The following GNAI2 variants were observed in gnomAD, a reference collection of about 807,000 sequenced individuals.
GNAI2 encodes the protein G protein subunit alpha i2.
Under a neutral mutation model 36.8 loss-of-function variants are expected in GNAI2, and 4 were observed. That is an observed-to-expected ratio of 0.11 (90% CI 0.05 to 0.25). The LOEUF is 0.25. Among genes scored for constraint, GNAI2 ranks in the 10% least tolerant of loss-of-function variants. The probability of loss-of-function intolerance (pLI) is 1.00; values close to 1 mark genes in which losing one functional copy is unlikely to be tolerated. For missense variants in GNAI2, 230 were observed against 481.3 expected (o/e 0.48, Z 4.89); for synonymous variants, 194 against 194.1 (o/e 1.00, Z 0.01).
chr3:50,234,109 C>T (rs782095372), upstream of GNAI2, among the ~76,000 whole-genome samples: 1 of 148,446 alleles, frequency 6.7e-6, no homozygotes, highest in Non-Finnish European at 1.5e-5. Context: ...CTCTGTCACC[C>T]AGGGTGGAGT....
At chr3:50,256,896 G>A in intron 6 of GNAI2, 41 bp from the exon 7 acceptor site, 1 of 1,613,758 alleles carries the variant, frequency 6.2e-7, no homozygotes, top group Non-Finnish European at 8.5e-7. Flanking sequence ...AGCGGGCTTG[G>A]GGAGTGGTGG....
rs200348744 is a variant in GNAI2, at chr3:50,240,701, G to A, written c.118+4248G>A. Among the ~76,000 whole-genome samples, 21 of 152,240 alleles carry A rather than the reference G, an allele frequency of 1.4e-4. No individual in the cohort carries two copies. In the East Asian group the frequency reaches 3.9e-3, roughly 28 times the overall value. ...GGAGGTTGAGGCAGGCAGATCACCT[G>A]AGGTCAGGAGTTCAAGACCAGCCTG... is the stretch of plus-strand genomic sequence containing the variant. On this transcript the variant is annotated intron_variant, in intron 1 of 8. Coordinates refer to ENST00000313601, the MANE Select transcript of GNAI2 (RefSeq NM_002070.4).
intron 5 of GNAI2, 106 bp from the exon 6 acceptor site, chr3:50,256,617 G>T (rs1029041045): frequency 6.1e-5 from 74 of 1,220,996 alleles, no homozygotes; most frequent in Non-Finnish European, 8.3e-5. Flanking sequence ...GAAGGTAGCT[G>T]CCCTACTCTG....
rs183526999 is a variant in GNAI2, at chr3:50,253,519, C to G, written c.464+335C>G. On this transcript the variant is annotated intron_variant, in intron 4 of 8. Coordinates refer to ENST00000313601, the MANE Select transcript of GNAI2 (RefSeq NM_002070.4). The surrounding 1 kb of genome is among the most constrained non-coding windows in gnomAD (Gnocchi z 4.2). ...CAGCACTTTGGGAGGCTGAGACAGG[C>G]GGGTCGTGAGATCAGGAGATCGAGA... Among the ~76,000 whole-genome samples, 36 of 152,050 alleles carry G rather than the reference C, an allele frequency of 2.4e-4. No individual in the cohort carries two copies. In the East Asian group the frequency reaches 5.0e-3, roughly 21 times the overall value.
At chr3:50,244,745 A>G (rs1454678013) in intron 1 of GNAI2, among the ~76,000 whole-genome samples, 2 of 152,066 alleles carry the variant, frequency 1.3e-5, no homozygotes, top group African/African-American at 2.4e-5. Flanking sequence ...CCTCTCTTGT[A>G]GGGGTTCCTA....
chr3:50,245,463 G>A (rs1215098069), intron 1 of GNAI2, among the ~76,000 whole-genome samples: 11 of 152,214 alleles, frequency 7.2e-5, no homozygotes, highest in African/African-American at 2.7e-4. Flanking sequence ...TGAGGCCTAG[G>A]CTCCCGTTAT....
upstream of GNAI2, among the ~76,000 whole-genome samples, chr3:50,234,667 G>A (rs1005047488): frequency 2.0e-5 from 3 of 152,154 alleles, no homozygotes; most frequent in African/African-American, 4.8e-5. Context: ...TGTGTACCAA[G>A]GTTCTAAGGA....
rs1553703248 is a variant in GNAI2 at position 50,256,781 on chromosome 3, G to T, written c.652G>T (p.Gly218Cys). 2 of 1,614,128 alleles carry T rather than the reference G, an allele frequency of 1.2e-6. No individual in the cohort carries two copies. The highest frequency in any genetic ancestry group is 3.3e-5 in the Admixed American group (2 of 60,022). ...GAAGAAGTGGATCCACTGCTTTGAG[G>T]GCGTCACAGCCATCATCTTCTGCGT... is the stretch of plus-strand genomic sequence containing the variant. ...ERKKWIHCFE[G>C]VTAIIFCVAL... The change falls in exon 6 of 9, where the codon GGC (glycine) becomes TGC (cysteine). Residue 218 changes from glycine to cysteine, a missense_variant. Physicochemically the swap from Gly to Cys is radical, Grantham distance 159 (BLOSUM62 -3). Coordinates refer to ENST00000313601, the MANE Select transcript of GNAI2 (RefSeq NM_002070.4).
upstream of GNAI2, chr3:50,227,250 G>A (rs587720862): frequency 2.1e-5 from 22 of 1,050,470 alleles, no homozygotes; most frequent in East Asian, 6.3e-4. This position sits in a 1 kb window ranked among gnomAD's most constrained non-coding sequence, Gnocchi z 5.9. Flanking sequence ...CCCCGCGCGG[G>A]GCAAGGGGGA....
At chr3:50,257,136 C>T (rs758219885) in intron 7 of GNAI2, 46 bp downstream of exon 7, 5 of 1,561,970 alleles carry the variant, frequency 3.2e-6, no homozygotes, top group Non-Finnish European at 4.4e-6. Context: ...TGCTTCTTGT[C>T]CCAAGTAGCC....
At position 50,238,736 on chromosome 3, in the gene GNAI2, A is replaced by G. The variant is rs1553700669; in HGVS notation, c.118+2283A>G. Among the ~76,000 whole-genome samples, 2 of 152,152 alleles carry G rather than the reference A, an allele frequency of 1.3e-5. No homozygotes were observed. Among genetic ancestry groups the G allele is most frequent in the Non-Finnish European group, 2.9e-5 (2 of 68,018 alleles). Reference sequence around the variant, plus strand: ...GTCTGCCATGGCTGCCTGGGGAGGGATCCTGGCTTGAGCCATGCCTTTCCC... The same window carrying G: ...GTCTGCCATGGCTGCCTGGGGAGGGGTCCTGGCTTGAGCCATGCCTTTCCC... On this transcript the variant is annotated intron_variant, in intron 1 of 8. Coordinates refer to ENST00000313601, the MANE Select transcript of GNAI2 (RefSeq NM_002070.4). This position sits in a 1 kb window ranked among gnomAD's most constrained non-coding sequence, Gnocchi z 5.0.
chr3:50,232,224 G>A (rs1553699850), upstream of GNAI2, among the ~76,000 whole-genome samples: 3 of 152,092 alleles, frequency 2.0e-5, no homozygotes, highest in African/African-American at 7.2e-5. Flanking sequence ...CAGCTACTTG[G>A]GGAGCTGAGG....
At chr3:50,240,514 G>T (rs1553700893) in intron 1 of GNAI2, among the ~76,000 whole-genome samples, 1 of 152,232 alleles carries the variant, frequency 6.6e-6, no homozygotes, top group Non-Finnish European at 1.5e-5. Flanking sequence ...CTCAGCATCA[G>T]GTGAAGCCCT....
Position 50,253,267 on chromosome 3 carries a change from A to G in GNAI2, c.464+83A>G, listed in dbSNP as rs1700610446. On this transcript the variant is annotated intron_variant, in intron 4 of 8. Coordinates refer to ENST00000313601, the MANE Select transcript of GNAI2 (RefSeq NM_002070.4). The surrounding 1 kb of genome is among the most constrained non-coding windows in gnomAD (Gnocchi z 4.2). Reference sequence around the variant, plus strand: ...TGGACCGGAGGGCCTGAGAACCCCCAGAAGGACACTGCTGGTCTTTGCTTA... The same window carrying G: ...TGGACCGGAGGGCCTGAGAACCCCCGGAAGGACACTGCTGGTCTTTGCTTA... 1 of 1,104,342 alleles carries G rather than the reference A, an allele frequency of 9.1e-7. No homozygotes were observed. The highest frequency in any genetic ancestry group is 1.3e-6 in the Non-Finnish European group (1 of 760,652). 68.4% of individuals were successfully genotyped at this position (1,104,342 alleles called of 1,614,324 possible). A position where few individuals can be genotyped will look rare whatever the true frequency, so the allele number is the denominator to read the frequency against.
intron 4 of GNAI2, among the ~76,000 whole-genome samples, chr3:50,254,698 C>T (rs1313130341): frequency 6.6e-6 from 1 of 152,220 alleles, no homozygotes; most frequent in Non-Finnish European, 1.5e-5. Flanking sequence ...TCAAAGGAAG[C>T]AGGAATAGAG....
Position 50,252,172 on chromosome 3 carries a change from A to G in GNAI2, c.161+30A>G, listed in dbSNP as rs1190471638. The G allele has an allele frequency of 6.2e-7, 1 of 1,607,192 alleles. No individual in the cohort carries two copies. Among genetic ancestry groups the G allele is most frequent in the East Asian group, 2.2e-5 (1 of 44,850 alleles). Reference sequence around the variant, plus strand: ...GTGCTGTATTCCAGAGGCAGTGCTCAAACTCCAGCTTCCCCTCTTCACCCT... The same window carrying G: ...GTGCTGTATTCCAGAGGCAGTGCTCGAACTCCAGCTTCCCCTCTTCACCCT... On this transcript the variant is annotated intron_variant, in intron 2 of 8. Transcript: ENST00000313601. This position sits in a 1 kb window ranked among gnomAD's most constrained non-coding sequence, Gnocchi z 4.1.
chr3:50,257,063 C>G lies in GNAI2; in HGVS notation c.850C>G (p.Leu284Val). The G allele has an allele frequency of 6.2e-7, 1 of 1,614,086 alleles. No homozygotes were observed. Among genetic ancestry groups the G allele is most frequent in the Non-Finnish European group, 8.5e-7 (1 of 1,179,950 alleles). The change falls in exon 7 of 9, where the codon CTG becomes GTG. Residue 284 changes from leucine (L) to valine (V), a missense_variant. This residue lies in a region of GNAI2 where 51 missense variants were observed against 56.7 expected (regional missense o/e 0.90). Transcript: ENST00000313601. ...LFEEKITHSP[L>V]TICFPEYTGA... ...TGAGGAGAAGATCACACACAGTCCC[C>G]TGACCATCTGCTTCCCTGAGTACAC... is the stretch of plus-strand genomic sequence containing the variant.
Position 50,253,846 on chromosome 3 carries a change from G to C in GNAI2, c.464+662G>C, listed in dbSNP as rs1334564402. Among the ~76,000 whole-genome samples, 1 of 152,202 alleles carries C rather than the reference G, an allele frequency of 6.6e-6. No homozygotes were observed. Among genetic ancestry groups the C allele is most frequent in the Non-Finnish European group, 1.5e-5 (1 of 68,030 alleles). On this transcript the variant is annotated intron_variant, in intron 4 of 8. Transcript: ENST00000313601. The surrounding 1 kb of genome is among the most constrained non-coding windows in gnomAD (Gnocchi z 4.2). Reference sequence around the variant, plus strand: ...AGGGTGTTAGTGAAAAGGTAGAGGTGGAGTTGGCCCAGAGACAGGATTGCT... The same window carrying C: ...AGGGTGTTAGTGAAAAGGTAGAGGTCGAGTTGGCCCAGAGACAGGATTGCT...
chr3:50,240,671 C>T (rs148962403), intron 1 of GNAI2, among the ~76,000 whole-genome samples: 3,866 of 152,210 alleles, frequency 0.025, 156 homozygotes, highest in African/African-American at 0.087. Context: ...AATCCCAGCA[C>T]TTTGGGAGGT....
Sources: allele counts gnomAD v4.1 joint callset (sites outside exome capture counted in the v4.1 genomes callset), GRCh38; gene constraint gnomAD v4.1.1; regional missense constraint gnomAD v4.1.1; non-coding constraint Gnocchi (gnomAD v3.1); transcripts MANE v1.5; gene names NCBI Gene and HGNC (gene_info 2026-07-23, HGNC 2026-07-21).